ZBTB20: variants seen among roughly 807,000 people sequenced by gnomAD.
ZBTB20 encodes zinc finger and BTB domain containing 20.
ZBTB20 carries 9 observed loss-of-function variants against 56.9 expected under a neutral mutation model. The ratio of observed to expected loss-of-function variants is 0.16; its 90% confidence interval spans 0.10 to 0.28. The LOEUF (loss-of-function observed/expected upper bound fraction) is 0.28, where lower values mean the gene tolerates loss of function less well. Ranked by LOEUF, ZBTB20 falls within the 10% of genes least tolerant of loss-of-function variation. ZBTB20 has a pLI of 1.00. For missense variants in ZBTB20, 655 were observed against 1,003.0 expected, an observed-to-expected ratio of 0.65 and a Z score of 4.69; for synonymous variants, 417 against 420.7, an observed-to-expected ratio of 0.99 and a Z score of 0.11.
chr3:115,022,295 ACTGT>A (rs1177533434), intron 2 of ZBTB20, among the ~76,000 whole-genome samples: 6 of 151,166 alleles, frequency 4.0e-5, no homozygotes, highest in Non-Finnish European at 8.9e-5. Context: ...AACAAAAGGA[ACTGT>A]CTATTACATA....
intron 6 of ZBTB20, among the ~76,000 whole-genome samples, chr3:114,613,394 A>G (rs771671929): frequency 6.6e-6 from 1 of 152,168 alleles, no homozygotes; most frequent in Non-Finnish European, 1.5e-5. Context: ...ATTTGACCTT[A>G]CATTTTTTTA....
At position 114,572,248 on chromosome 3, in the gene ZBTB20, G is replaced by A. The variant is rs6766696; in HGVS notation, c.-294-71857C>T. 4.6e-3 allele frequency among the ~76,000 whole-genome samples: 697 copies of A among 152,256 alleles called. 6 individuals are homozygous for A. Among genetic ancestry groups the A allele is most frequent in the African/African-American group, 0.016 (646 of 41,548 alleles). On this transcript the variant is annotated intron_variant, in intron 6 of 11. Coordinates refer to ENST00000675478, the MANE Select transcript of ZBTB20 (RefSeq NM_001348800.3). ...ATCTTGAAAGATGTTTACTTCTAAAGGTGTTCATAACTTGGTGATATCATT... is the reference window on the plus strand; with the variant it reads ...ATCTTGAAAGATGTTTACTTCTAAAAGTGTTCATAACTTGGTGATATCATT...
intron 4 of ZBTB20, among the ~76,000 whole-genome samples, chr3:114,855,074 T>G (rs551200770): frequency 1.3e-5 from 2 of 152,328 alleles, no homozygotes; most frequent in East Asian, 3.9e-4. Flanking sequence ...CATCGAATAT[T>G]CTGTAAAAAC....
At chr3:114,357,932 G>A (rs1430496687) in intron 10 of ZBTB20, among the ~76,000 whole-genome samples, 1 of 152,184 alleles carries the variant, frequency 6.6e-6, no homozygotes, top group Admixed American at 6.5e-5. Context: ...AGGGAAGAGA[G>A]AAATGTAGGT....
At chr3:114,529,525 T>A (rs768902215) in intron 6 of ZBTB20, 14 of 152,228 alleles carry the variant, frequency 9.2e-5, no homozygotes, top group African/African-American at 1.4e-4. Flanking sequence ...TATTTACTGA[T>A]ATGTAAGCTC....
At chr3:114,834,704 G>A (rs72956287) in intron 4 of ZBTB20, among the ~76,000 whole-genome samples, 1 of 151,930 alleles carries the variant, frequency 6.6e-6, no homozygotes, top group Non-Finnish European at 1.5e-5. Flanking sequence ...GCTGCAAACT[G>A]TCTGGATGCC....
At chr3:114,545,941 TAG>T (rs2049828152) in intron 6 of ZBTB20, among the ~76,000 whole-genome samples, 1 of 152,298 alleles carries the variant, frequency 6.6e-6, no homozygotes, top group East Asian at 1.9e-4. Flanking sequence ...TGGGCTAAAA[TAG>T]AGTCAGAAGG....
chr3:114,787,897 G>A (rs1349078566), intron 5 of ZBTB20, among the ~76,000 whole-genome samples: 5 of 152,216 alleles, frequency 3.3e-5, no homozygotes, highest in Non-Finnish European at 7.4e-5. Flanking sequence ...TGACCAAAAT[G>A]AGAATGTCTA....
At chr3:115,116,464 A>C (rs1003261751) in intron 1 of ZBTB20, among the ~76,000 whole-genome samples, 1 of 152,036 alleles carries the variant, frequency 6.6e-6, no homozygotes, top group Non-Finnish European at 1.5e-5. Flanking sequence ...TTTATTGGAT[A>C]TGTATATTGA....
chr3:114,849,868 C>T (rs983999758), intron 4 of ZBTB20, among the ~76,000 whole-genome samples: 1 of 151,372 alleles, frequency 6.6e-6, no homozygotes, highest in Non-Finnish European at 1.5e-5. Context: ...TTAATAACAG[C>T]CCCAAATTAA....
chr3:114,746,490 T>C (rs1402505148), intron 5 of ZBTB20, among the ~76,000 whole-genome samples: 1 of 152,116 alleles, frequency 6.6e-6, no homozygotes, highest in Admixed American at 6.6e-5. Flanking sequence ...AACAGATGCA[T>C]GGAGGGAGAA....
At chr3:114,479,165 A>C (rs1049009805) in intron 7 of ZBTB20, among the ~76,000 whole-genome samples, 18 of 152,112 alleles carry the variant, frequency 1.2e-4, no homozygotes, top group Non-Finnish European at 2.2e-4. Flanking sequence ...GAAAGCAGAG[A>C]ATTTGCTAGC....
chr3:114,380,851 G>A lies in ZBTB20; in HGVS notation c.-64C>T, dbSNP rs1333147685. The A allele has an allele frequency of 2.5e-5, 36 of 1,419,360 alleles. No homozygotes were observed. The highest frequency in any genetic ancestry group is 3.2e-5 in the Non-Finnish European group (35 of 1,086,160). 87.9% of individuals were successfully genotyped at this position (1,419,360 alleles called of 1,614,324 possible). ...GGAGGAGCACTGGACTGGGAGTCAG[G>A]AGACTTGAGCTACCGTACTAGCTGT... On this transcript the variant is annotated 5_prime_UTR_variant, in exon 9 of 12. Transcript: ENST00000675478.
intron 7 of ZBTB20, among the ~76,000 whole-genome samples, chr3:114,466,377 A>T (rs1376330800): frequency 6.6e-6 from 1 of 152,204 alleles, no homozygotes; most frequent in Non-Finnish European, 1.5e-5. Context: ...TAAGTGGCAC[A>T]GTCCAAGTTC....
intron 1 of ZBTB20, among the ~76,000 whole-genome samples, chr3:115,077,872 T>C (rs2082651974): frequency 6.6e-6 from 1 of 152,194 alleles, no homozygotes; most frequent in African/African-American, 2.4e-5. Context: ...TTCAGAATTC[T>C]CACTTTTAGG....
chr3:114,663,391 C>G (rs1456708709), intron 6 of ZBTB20, among the ~76,000 whole-genome samples: 5 of 149,344 alleles, frequency 3.3e-5, no homozygotes, highest in Non-Finnish European at 7.5e-5. Flanking sequence ...GAAGGAAGCG[C>G]TAAACATGGA....
intron 4 of ZBTB20, among the ~76,000 whole-genome samples, chr3:114,852,025 T>A (rs2075024303): frequency 6.6e-6 from 1 of 152,124 alleles, no homozygotes. Flanking sequence ...AACTGTTTTT[T>A]AAATTTTTAT....
intron 6 of ZBTB20, chr3:114,687,667 T>C (rs890201585): frequency 6.6e-6 from 1 of 151,474 alleles, no homozygotes; most frequent in Non-Finnish European, 1.5e-5. Context: ...TCACATAGTT[T>C]GTTGAAATAA....
chr3:115,030,763 TA>T (rs922472978), intron 2 of ZBTB20, among the ~76,000 whole-genome samples: 2 of 151,276 alleles, frequency 1.3e-5, no homozygotes, highest in African/African-American at 4.8e-5. Flanking sequence ...TTGATATTCC[TA>T]AAAATCTAAA....
Sources: gnomAD v4.1 joint callset for allele counts (sites outside exome capture counted in the v4.1 genomes callset) on GRCh38, gnomAD v4.1.1 for gene constraint, MANE v1.5 for transcripts, NCBI Gene and HGNC (gene_info 2026-07-23, HGNC 2026-07-21) for gene names.